RXFP1: variants seen among roughly 807,000 people sequenced by gnomAD.
RXFP1 encodes relaxin receptor 1.
Under a neutral mutation model 89.8 loss-of-function variants are expected in RXFP1, and 73 were observed. The ratio of observed to expected loss-of-function variants is 0.81; its 90% CI spans 0.67 to 0.99. The LOEUF (loss-of-function observed/expected upper bound fraction) is 0.99. Ranked by LOEUF, RXFP1 falls within the 50% of genes least tolerant of loss-of-function variation. RXFP1 has a pLI of 0.00. For missense variants in RXFP1, 793 were observed against 895.5 expected (o/e 0.89, Z 1.46); for synonymous variants, 277 against 305.5 (o/e 0.91, Z 0.97).
intron 2 of RXFP1, among the ~76,000 whole-genome samples, chr4:158,582,620 A>G (rs1300121726): frequency 6.6e-6 from 1 of 152,214 alleles, no homozygotes; most frequent in African/African-American, 2.4e-5. Context: ...TTTCATGCTC[A>G]TATTTAGGTC....
intron 12 of RXFP1, among the ~76,000 whole-genome samples, chr4:158,637,774 A>C (rs1421858280): frequency 6.6e-6 from 1 of 152,116 alleles, no homozygotes; most frequent in African/African-American, 2.4e-5. Context: ...TTTGTTGCCT[A>C]TATTTTTGGG....
At chr4:158,525,405 C>A (rs1338269850) in intron 1 of RXFP1, among the ~76,000 whole-genome samples, 1 of 152,078 alleles carries the variant, frequency 6.6e-6, no homozygotes, top group Non-Finnish European at 1.5e-5. Context: ...GTTTTTACTA[C>A]ATATTTTGAA....
At chr4:158,595,950 A>T (rs1579924283) in intron 3 of RXFP1, among the ~76,000 whole-genome samples, 1 of 151,326 alleles carries the variant, frequency 6.6e-6, no homozygotes, top group East Asian at 1.9e-4. Context: ...GGAGTTCAAG[A>T]CCAGCCTGGG....
chr4:158,617,424 A>T (rs1224410472), intron 9 of RXFP1, among the ~76,000 whole-genome samples: 1 of 148,034 alleles, frequency 6.8e-6, no homozygotes, highest in Non-Finnish European at 1.5e-5. Flanking sequence ...CATCTCAAAA[A>T]AAATATATAT....
At chr4:158,567,751 C>G (rs1450735406) in intron 1 of RXFP1, among the ~76,000 whole-genome samples, 1 of 152,104 alleles carries the variant, frequency 6.6e-6, no homozygotes, top group East Asian at 1.9e-4. Context: ...CAATCAGCAC[C>G]CTGTCAAAAC....
intron 1 of RXFP1, chr4:158,543,922 C>A: frequency 1.0e-6 from 1 of 985,316 alleles, no homozygotes; most frequent in Non-Finnish European, 1.2e-6. Flanking sequence ...TACTGAATAT[C>A]GATATAGTAG....
intron 16 of RXFP1, 52 bp downstream of exon 16, chr4:158,647,253 C>A: frequency 7.0e-7 from 1 of 1,430,460 alleles, no homozygotes; most frequent in Non-Finnish European, 9.4e-7. Context: ...AATCTTCCAA[C>A]CAGTTTTTGT....
rs529902769 is a variant in RXFP1 at position 158,544,050 on chromosome 4, G to A, written c.49+22025G>A. ...CCCATGAGATCGGATCAATTCAGCT[G>A]TTTATTTCTAGAAATGTCTATAAAG... On this transcript the variant is annotated intron_variant, in intron 1 of 17. Transcript: ENST00000307765. 16 of 984,850 alleles carry A rather than the reference G, an allele frequency of 1.6e-5. No homozygotes were observed. In the South Asian group the frequency reaches 7.5e-4, roughly 46 times the overall value. 61.0% of individuals were successfully genotyped at this position (984,850 alleles called of 1,614,324 possible). A position where few individuals can be genotyped will look rare whatever the true frequency, so the allele number is the denominator to read the frequency against.
chr4:158,564,068 G>A (rs1753066835), intron 1 of RXFP1, among the ~76,000 whole-genome samples: 1 of 151,566 alleles, frequency 6.6e-6, no homozygotes, highest in African/African-American at 2.4e-5. Flanking sequence ...TAGAAATTTT[G>A]TTATTGGGCT....
At chr4:158,531,463 G>A (rs1314107789) in intron 1 of RXFP1, among the ~76,000 whole-genome samples, 1 of 151,918 alleles carries the variant, frequency 6.6e-6, no homozygotes, top group African/African-American at 2.4e-5. Context: ...TACTGCACAG[G>A]GTCATCTTGA....
chr4:158,579,367 C>G (rs1035194081), intron 2 of RXFP1, among the ~76,000 whole-genome samples: 1 of 152,192 alleles, frequency 6.6e-6, no homozygotes, highest in Non-Finnish European at 1.5e-5. Flanking sequence ...CTACCGGGTT[C>G]AAGCAATTCT....
At chr4:158,604,301 A>G (rs779936757) in intron 4 of RXFP1, among the ~76,000 whole-genome samples, 1 of 152,160 alleles carries the variant, frequency 6.6e-6, no homozygotes, top group African/African-American at 2.4e-5. Flanking sequence ...ATTAGATACC[A>G]TCTAATCCAA....
Position 158,575,906 on chromosome 4 carries a change from G to A in RXFP1, c.187+3071G>A, listed in dbSNP as rs560403103. On this transcript the variant is annotated intron_variant, in intron 2 of 17. Transcript: ENST00000307765. The stretch of plus-strand genomic sequence containing the variant: ...CCATTTATTTAGCTTATGATTCTTG[G>A]GGTCAGCAATTTTGGATGGACTCCA... Among the ~76,000 whole-genome samples, 34 of 152,084 alleles carry A rather than the reference G, an allele frequency of 2.2e-4. No homozygotes were observed. The South Asian group carries it at 7.1e-3, about 32-fold the overall frequency.
chr4:158,557,644 G>A (rs866598446), intron 1 of RXFP1, among the ~76,000 whole-genome samples: 18 of 152,192 alleles, frequency 1.2e-4, no homozygotes, highest in African/African-American at 2.9e-4. Context: ...GCTTACAGGC[G>A]TAAGCCACTG....
At chr4:158,594,717 A>G (rs1325131626) in intron 3 of RXFP1, among the ~76,000 whole-genome samples, 2 of 152,184 alleles carry the variant, frequency 1.3e-5, no homozygotes, top group African/African-American at 4.8e-5. Context: ...CCAGTTGAAT[A>G]AGTATATTTT....
intron 5 of RXFP1, 119 bp from the exon 6 acceptor site, chr4:158,607,853 A>G (rs1762792656): frequency 6.4e-6 from 4 of 621,698 alleles, no homozygotes; most frequent in East Asian, 3.0e-5. Flanking sequence ...CTTCAGAGGC[A>G]TTAAGCACAT....
At chr4:158,610,628 C>G in intron 6 of RXFP1, 1 of 1,256,520 alleles carries the variant, frequency 8.0e-7, no homozygotes, top group Non-Finnish European at 1.0e-6. Context: ...GAGTGATTAT[C>G]TCAGGTCCAG....
Position 158,646,613 on chromosome 4 carries a change from A to T in RXFP1, c.1346-178A>T, listed in dbSNP as rs569985958. The T allele has an allele frequency of 3.1e-5, 43 of 1,408,758 alleles. No individual in the cohort carries two copies. The African/African-American group carries it at 4.5e-4, about 15-fold the overall frequency. The allele number at this position is 1,408,758 out of a possible 1,614,324, so 87.3% of individuals were successfully genotyped here. A position where few individuals can be genotyped will look rare whatever the true frequency, so the allele number is the denominator to read the frequency against. On this transcript the variant is annotated intron_variant, in intron 15 of 17. Transcript: ENST00000307765. Reference sequence around the variant, plus strand: ...AGAGTAACTTTGAGAGTGGTTACCAAAGAGAGTCTATGAATAGATCCTCAT... The same window carrying T: ...AGAGTAACTTTGAGAGTGGTTACCATAGAGAGTCTATGAATAGATCCTCAT...
At chr4:158,559,177 G>A (rs1579601471) in intron 1 of RXFP1, among the ~76,000 whole-genome samples, 1 of 152,134 alleles carries the variant, frequency 6.6e-6, no homozygotes, top group Non-Finnish European at 1.5e-5. Context: ...ACAGTGGCTA[G>A]GGCCTGTAGT....
Sources: gnomAD v4.1 joint callset for allele counts (sites outside exome capture counted in the v4.1 genomes callset) on GRCh38, gnomAD v4.1.1 for gene constraint, MANE v1.5 for transcripts, NCBI Gene and HGNC (gene_info 2026-07-23, HGNC 2026-07-21) for gene names.